RALGPS2: variants seen among roughly 807,000 people sequenced by gnomAD.
RALGPS2 encodes ras-specific guanine nucleotide-releasing factor RalGPS2.
RALGPS2 carries 43 observed loss-of-function variants against 86.8 expected under a neutral mutation model. That is an observed-to-expected ratio of 0.50 (90% confidence interval 0.39 to 0.64). The LOEUF (loss-of-function observed/expected upper bound fraction) is 0.64. Ranked by LOEUF, RALGPS2 falls within the 30% of genes least tolerant of loss-of-function variation. The pLI, the probability that RALGPS2 is intolerant of heterozygous loss-of-function variation, is 0.00. For synonymous variants in RALGPS2, 243 were observed against 231.3 expected, an observed-to-expected ratio of 1.05 and a Z score of -0.46; for missense variants, 536 against 694.6, an observed-to-expected ratio of 0.77 and a Z score of 2.57.
intron 8 of RALGPS2, among the ~76,000 whole-genome samples, chr1:178,873,660 TC>T (rs1558164975): frequency 2.0e-5 from 3 of 152,168 alleles, no homozygotes; most frequent in African/African-American, 7.2e-5. Flanking sequence ...TATAAGAATG[TC>T]TATAGCAACA....
At chr1:178,732,631 A>G (rs990043592) in intron 1 of RALGPS2, among the ~76,000 whole-genome samples, 2 of 151,836 alleles carry the variant, frequency 1.3e-5, no homozygotes, top group Non-Finnish European at 2.9e-5. Flanking sequence ...TACCTTTAAT[A>G]TTTCATCATT....
At chr1:178,737,804 G>T (rs572819563) in intron 1 of RALGPS2, among the ~76,000 whole-genome samples, 1 of 151,966 alleles carries the variant, frequency 6.6e-6, no homozygotes, top group South Asian at 2.1e-4. Flanking sequence ...TTGAGATAGG[G>T]TCTCACTCTC....
chr1:178,747,880 A>C (rs1029292151), intron 1 of RALGPS2: 1 of 554,326 alleles, frequency 1.8e-6, no homozygotes, highest in South Asian at 2.0e-5. Context: ...AATGGGAATT[A>C]AAATCAGTGA....
chr1:178,800,658 A>G (rs1654425315), intron 4 of RALGPS2, among the ~76,000 whole-genome samples: 2 of 152,174 alleles, frequency 1.3e-5, no homozygotes, highest in African/African-American at 2.4e-5. Context: ...GCAGTAGGCT[A>G]TTAGTGGTTT....
At chr1:178,915,067 G>A (rs955362106) in intron 19 of RALGPS2, among the ~76,000 whole-genome samples, 3 of 152,072 alleles carry the variant, frequency 2.0e-5, no homozygotes, top group Admixed American at 6.5e-5. Context: ...TCAACCAGAC[G>A]TGTATAAATA....
intron 1 of RALGPS2, among the ~76,000 whole-genome samples, chr1:178,767,787 G>C (rs761439993): frequency 5.9e-5 from 9 of 152,206 alleles, no homozygotes; most frequent in Non-Finnish European, 7.3e-5. Context: ...AACAGATTCA[G>C]GCTGAAGTAG....
At chr1:178,888,765 G>A (rs1035462492) in intron 13 of RALGPS2, among the ~76,000 whole-genome samples, 4 of 151,974 alleles carry the variant, frequency 2.6e-5, no homozygotes, top group African/African-American at 9.7e-5. Context: ...TTAATCCATC[G>A]TCTCTAAGAG....
chr1:178,853,707 T>TG (rs1657340041), intron 8 of RALGPS2: 1 of 1,612,816 alleles, frequency 6.2e-7, no homozygotes, highest in Non-Finnish European at 8.5e-7. Flanking sequence ...ATTGGTCCAT[T>TG]GCTGTTTTCA....
intron 1 of RALGPS2, chr1:178,726,425 A>T (rs1163399897): frequency 6.6e-6 from 1 of 152,102 alleles, no homozygotes; most frequent in Non-Finnish European, 1.5e-5. Context: ...CTGCGAGCTG[A>T]TAGGAGGTAC....
At chr1:178,851,381 A>G (rs1558149316) in intron 8 of RALGPS2, 1 of 1,396,996 alleles carries the variant, frequency 7.2e-7, no homozygotes, top group Non-Finnish European at 9.5e-7. Flanking sequence ...CTGCAATCAT[A>G]AAAAACTTAT....
At chr1:178,810,070 G>A (rs1459243015) in intron 5 of RALGPS2, among the ~76,000 whole-genome samples, 1 of 150,510 alleles carries the variant, frequency 6.6e-6, no homozygotes. Flanking sequence ...AACATACTAA[G>A]ACCTTGTCTT....
rs55797277 is a variant in RALGPS2 at position 178,856,202 on chromosome 1, G to GATATATATATATATATATAT, written c.608-21283_608-21264dup. ...ACCTGTACTTTTCCAGAGAGAGAGAGATATATATATATATATATATATATA... is the reference window on the plus strand; with the variant it reads ...ACCTGTACTTTTCCAGAGAGAGAGAGATATATATATATATATATATATATATATATATATATATATATATA... On this transcript the variant is annotated intron_variant, in intron 8 of 19. Transcript: ENST00000367635. 2.1e-4 allele frequency among the ~76,000 whole-genome samples: 18 copies of GATATATATATATATATATAT among 83,902 alleles called. 1 individual carries two copies. Among genetic ancestry groups the GATATATATATATATATATAT allele is most frequent in the African/African-American group, 1.2e-3 (18 of 15,584 alleles). 55.0% of individuals were successfully genotyped at this position (83,902 alleles called of 152,430 possible).
chr1:178,775,208 T>C (rs769916901), intron 1 of RALGPS2, among the ~76,000 whole-genome samples: 2 of 152,184 alleles, frequency 1.3e-5, no homozygotes, highest in Non-Finnish European at 2.9e-5. Flanking sequence ...TAGGTACTTA[T>C]TATCCCTATT....
intron 1 of RALGPS2, among the ~76,000 whole-genome samples, chr1:178,756,994 A>C (rs757498345): frequency 6.6e-6 from 1 of 152,014 alleles, no homozygotes; most frequent in East Asian, 1.9e-4. Flanking sequence ...GTTTTTGTAG[A>C]GATCTTTCAC....
rs541457483 is a variant in RALGPS2, at chr1:178,902,276, A to ATG, written c.1630+75_1630+76dup. On this transcript the variant is annotated intron_variant, in intron 18 of 19. Transcript: ENST00000367635. ...TGTGTTTGTGTATATGTATGTATGT[A>ATG]TGTGTGTGTGTATACTTGTCATATA... The ATG allele has an allele frequency of 1.0e-4, 130 of 1,246,294 alleles. No individual in the cohort carries two copies. The South Asian group carries it at 1.5e-3, about 14-fold the overall frequency. The allele number at this position is 1,246,294 out of a possible 1,614,324, so 77.2% of individuals were successfully genotyped here. A position where few individuals can be genotyped will look rare whatever the true frequency, so the allele number is the denominator to read the frequency against.
intron 19 of RALGPS2, among the ~76,000 whole-genome samples, chr1:178,913,310 A>G (rs1660694267): frequency 6.6e-6 from 1 of 151,968 alleles, no homozygotes; most frequent in Admixed American, 6.6e-5. Context: ...AGAAAAAGAA[A>G]GAAATTTCTA....
chr1:178,884,179 A>T (rs991556325), intron 11 of RALGPS2, among the ~76,000 whole-genome samples: 2 of 152,194 alleles, frequency 1.3e-5, no homozygotes, highest in Admixed American at 6.5e-5. Context: ...GTCTAATGGG[A>T]AAGTCTACTA....
chr1:178,766,452 C>T (rs1311431530), intron 1 of RALGPS2, among the ~76,000 whole-genome samples: 4 of 151,470 alleles, frequency 2.6e-5, no homozygotes, highest in African/African-American at 9.7e-5. Flanking sequence ...TGGTCTTGAA[C>T]TCCTTACATC....
At chr1:178,899,458 A>G (rs1181334932) in intron 17 of RALGPS2, among the ~76,000 whole-genome samples, 2 of 151,900 alleles carry the variant, frequency 1.3e-5, no homozygotes, top group Non-Finnish European at 2.9e-5. Context: ...ATCTTGAGAT[A>G]GAAAAGATAT....
Sources: allele counts gnomAD v4.1 joint callset (sites outside exome capture counted in the v4.1 genomes callset), GRCh38; gene constraint gnomAD v4.1.1; transcripts MANE v1.5; gene names NCBI Gene and HGNC (gene_info 2026-07-23, HGNC 2026-07-21).